NR3C2: variants seen among roughly 807,000 people sequenced by gnomAD.
The protein encoded by NR3C2 is mineralocorticoid receptor.
In NR3C2, 15 loss-of-function variants were observed where a neutral mutation model predicts 86.4. The observed-to-expected ratio is 0.17, with a 90% CI of 0.12 to 0.27. NR3C2 has a LOEUF of 0.27. Ranked by LOEUF, NR3C2 falls within the 10% of genes least tolerant of loss-of-function variation. The probability of loss-of-function intolerance (pLI) is 1.00; values close to 1 mark genes in which losing one functional copy is unlikely to be tolerated. For missense variants in NR3C2, 960 were observed against 1,195.6 expected (o/e 0.80, Z 2.91); for synonymous variants, 458 against 450.5 (o/e 1.02, Z -0.21).
rs953597210 is a variant in NR3C2, at chr4:148,400,762, G to A, written c.1757+34342C>T. Among the ~76,000 whole-genome samples the A allele has an allele frequency of 5.6e-5, 7 of 124,512 alleles. No individual in the cohort carries two copies. The South Asian group carries it at 1.1e-3, about 20-fold the overall frequency. 81.7% of individuals were successfully genotyped at this position (124,512 alleles called of 152,430 possible). On this transcript the variant is annotated intron_variant, in intron 2 of 8. Coordinates refer to ENST00000358102, the MANE Select transcript of NR3C2 (RefSeq NM_000901.5). ...CCACTGCACTCCAGCCTGGGCGACT[G>A]AGTGAGACTCCGTCTCAAAAAAAAA...
At chr4:148,413,336 T>C (rs746493868) in intron 2 of NR3C2, among the ~76,000 whole-genome samples, 2 of 152,000 alleles carry the variant, frequency 1.3e-5, no homozygotes, top group Non-Finnish European at 2.9e-5. Context: ...AATTCTTTTA[T>C]CCACTACTAC....
chr4:148,203,104 ATATT>A (rs1004325839), intron 3 of NR3C2, among the ~76,000 whole-genome samples: 37 of 152,310 alleles, frequency 2.4e-4, no homozygotes, highest in African/African-American at 8.9e-4. Flanking sequence ...AAATCGTTTG[ATATT>A]TATCACTCTC....
At chr4:148,386,862 T>C (rs1747287588) in intron 2 of NR3C2, among the ~76,000 whole-genome samples, 1 of 152,212 alleles carries the variant, frequency 6.6e-6, no homozygotes, top group African/African-American at 2.4e-5. Context: ...CTCTTATACA[T>C]GCCCTCTTCC....
chr4:148,302,618 A>C (rs989426131), intron 2 of NR3C2, among the ~76,000 whole-genome samples: 1 of 152,166 alleles, frequency 6.6e-6, no homozygotes, highest in Non-Finnish European at 1.5e-5. Flanking sequence ...TTAAGGAATC[A>C]AGCTCAACTT....
chr4:148,372,796 C>T (rs1280810717), intron 2 of NR3C2, among the ~76,000 whole-genome samples: 1 of 152,154 alleles, frequency 6.6e-6, no homozygotes, highest in East Asian at 1.9e-4. Context: ...ATTAAATATG[C>T]TAATCCTTCC....
chr4:148,141,126 G>A (rs368737306), intron 6 of NR3C2, among the ~76,000 whole-genome samples: 16 of 152,152 alleles, frequency 1.1e-4, no homozygotes, highest in East Asian at 3.9e-4. Context: ...AACAGTTACC[G>A]AGCGCCAGTT....
intron 2 of NR3C2, among the ~76,000 whole-genome samples, chr4:148,310,106 A>G (rs566342920): frequency 6.6e-5 from 10 of 152,334 alleles, no homozygotes; most frequent in Admixed American, 6.5e-4. Context: ...TTACAATGAA[A>G]ATTAACAGAA....
chr4:148,081,210 T>G lies in NR3C2; in HGVS notation c.*134A>C. 1 of 1,288,132 alleles carries G rather than the reference T, an allele frequency of 7.8e-7. No individual in the cohort carries two copies. The highest frequency in any genetic ancestry group is 1.3e-5 in the South Asian group (1 of 78,340). 79.8% of individuals were successfully genotyped at this position (1,288,132 alleles called of 1,614,324 possible). A position where few individuals can be genotyped will look rare whatever the true frequency, so the allele number is the denominator to read the frequency against. On this transcript the variant is annotated 3_prime_UTR_variant, in exon 9 of 9. Transcript: ENST00000358102. Reference sequence around the variant, plus strand: ...CTTTCCCGGCTCCAAACCTCTGACATGACTTTAAACTTGAGAAACTGTTGA... The same window carrying G: ...CTTTCCCGGCTCCAAACCTCTGACAGGACTTTAAACTTGAGAAACTGTTGA...
At chr4:148,158,751 A>G (rs1734521812) in intron 4 of NR3C2, among the ~76,000 whole-genome samples, 1 of 152,356 alleles carries the variant, frequency 6.6e-6, no homozygotes, top group East Asian at 1.9e-4. Context: ...TTTAAGGTCA[A>G]TGATAGGAAA....
chr4:148,227,283 G>A (rs1039992344), intron 3 of NR3C2, among the ~76,000 whole-genome samples: 11 of 151,996 alleles, frequency 7.2e-5, no homozygotes, highest in South Asian at 2.1e-4. Flanking sequence ...ATCACCTCTT[G>A]CTTAAATTCA....
chr4:148,151,394 G>C (rs938412298), intron 6 of NR3C2, among the ~76,000 whole-genome samples: 1 of 152,166 alleles, frequency 6.6e-6, no homozygotes, highest in Non-Finnish European at 1.5e-5. Flanking sequence ...AATTGTGCAA[G>C]TCAGTTGTTT....
chr4:148,265,023 C>G (rs1740305547), intron 2 of NR3C2, among the ~76,000 whole-genome samples: 2 of 152,108 alleles, frequency 1.3e-5, no homozygotes, highest in African/African-American at 4.8e-5. Context: ...GAAAACTCAT[C>G]ATTTTGGGGG....
At chr4:148,126,348 C>T (rs996441401) in intron 6 of NR3C2, among the ~76,000 whole-genome samples, 9 of 152,288 alleles carry the variant, frequency 5.9e-5, no homozygotes, top group African/African-American at 2.2e-4. Context: ...GAATACAATG[C>T]TTCTTAAGAG....
At chr4:148,369,428 C>T (rs1281457119) in intron 2 of NR3C2, among the ~76,000 whole-genome samples, 1 of 152,028 alleles carries the variant, frequency 6.6e-6, no homozygotes, top group Non-Finnish European at 1.5e-5. Flanking sequence ...TAGCATTTGC[C>T]CACAGAAATA....
chr4:148,127,015 A>C (rs1732780621), intron 6 of NR3C2, among the ~76,000 whole-genome samples: 1 of 152,160 alleles, frequency 6.6e-6, no homozygotes, highest in African/African-American at 2.4e-5. Flanking sequence ...CAGTACCTCC[A>C]GTGTTTTGTT....
chr4:148,434,321 G>T (rs61759970), intron 2 of NR3C2, among the ~76,000 whole-genome samples: 4 of 152,068 alleles, frequency 2.6e-5, no homozygotes, highest in Non-Finnish European at 5.9e-5. Flanking sequence ...CCTCTTCCTT[G>T]TTTTTTCTAA....
chr4:148,199,942 T>C (rs995551424), intron 3 of NR3C2, among the ~76,000 whole-genome samples: 22 of 152,310 alleles, frequency 1.4e-4, no homozygotes, highest in African/African-American at 4.6e-4. Flanking sequence ...AGGGACCATA[T>C]TGGAGTTGGG....
chr4:148,160,726 C>T (rs1235890336), intron 4 of NR3C2, among the ~76,000 whole-genome samples: 1 of 152,094 alleles, frequency 6.6e-6, no homozygotes, highest in Non-Finnish European at 1.5e-5. Flanking sequence ...TATATATTTT[C>T]TGTTCATAGG....
chr4:148,284,526 T>A (rs1311595107), intron 2 of NR3C2, among the ~76,000 whole-genome samples: 1 of 152,160 alleles, frequency 6.6e-6, no homozygotes, highest in Non-Finnish European at 1.5e-5. Flanking sequence ...GTTTCTTTTT[T>A]TAAAACACAT....
Sources: allele counts gnomAD v4.1 joint callset (sites outside exome capture counted in the v4.1 genomes callset), GRCh38; gene constraint gnomAD v4.1.1; transcripts MANE v1.5; gene names NCBI Gene and HGNC (gene_info 2026-07-23, HGNC 2026-07-21).